TCERG1: variants seen among roughly 807,000 people sequenced by gnomAD.
TCERG1 encodes the protein TATA box binding protein (TBP)-associated factor, RNA polymerase II, S, 150kD.
Under a neutral mutation model 144.7 loss-of-function variants are expected in TCERG1, and 37 were observed. The ratio of observed to expected loss-of-function variants is 0.26; its 90% CI spans 0.20 to 0.34. The LOEUF (loss-of-function observed/expected upper bound fraction) is 0.34, where lower values mean the gene tolerates loss of function less well. Ranked by LOEUF, TCERG1 falls within the 10% of genes least tolerant of loss-of-function variation. The probability of loss-of-function intolerance (pLI) is 1.00; values close to 1 mark genes in which losing one functional copy is unlikely to be tolerated. For missense variants in TCERG1, 1,027 were observed against 1,380.7 expected (o/e 0.74, Z 4.06); for synonymous variants, 492 against 458.2 (o/e 1.07, Z -0.94).
intron 6 of TCERG1, 33 bp downstream of exon 6, chr5:146,468,436 C>T: frequency 6.3e-7 from 1 of 1,598,546 alleles, no homozygotes; most frequent in Non-Finnish European, 8.5e-7. Flanking sequence ...TTTGTTTTGT[C>T]TGTAAGTTGG....
rs562958495 is a variant in TCERG1 at position 146,457,085 on chromosome 5, C to A, written c.286-98C>A. The A allele has an allele frequency of 2.0e-6, 3 of 1,469,738 alleles. No individual in the cohort carries two copies. In the East Asian group the frequency reaches 6.9e-5, roughly 34 times the overall value. 91.0% of individuals were successfully genotyped at this position (1,469,738 alleles called of 1,614,324 possible). Reference sequence around the variant, plus strand: ...GAATGTGTTTGAATAGACTATAAAACTAGTTTCTCTTACAGTGTTTTACTT... The same window carrying A: ...GAATGTGTTTGAATAGACTATAAAAATAGTTTCTCTTACAGTGTTTTACTT... On this transcript the variant is annotated intron_variant, in intron 2 of 22. Coordinates refer to ENST00000679501, the MANE Select transcript of TCERG1 (RefSeq NM_001382548.1).
intron 15 of TCERG1, among the ~76,000 whole-genome samples, chr5:146,486,557 A>G (rs540838243): frequency 3.4e-4 from 52 of 152,356 alleles, no homozygotes; most frequent in African/African-American, 1.2e-3. Flanking sequence ...TTCAAAATAA[A>G]CATTTTAAAA....
chr5:146,502,420 G>T (rs76273848), intron 17 of TCERG1, among the ~76,000 whole-genome samples: 2,164 of 152,204 alleles, frequency 0.014, 24 homozygotes, highest in Non-Finnish European at 0.021. Context: ...TCTATGGTAG[G>T]AGTACAAAGT....
Position 146,507,177 on chromosome 5 carries a change from C to T in TCERG1, c.2931C>T (p.His977=). ...IEALTKKKRE[H]FRQLLDETSA... is the part of the protein sequence containing the mutation. ...CACTTACCAAAAAAAAGAGAGAGCA[C>T]TTTAGGCAACTTCTGGATGAAACTT... The change falls in exon 20 of 23, where the codon CAC becomes CAT. Residue 977 remains histidine, a synonymous_variant. Coordinates refer to ENST00000679501, the MANE Select transcript of TCERG1 (RefSeq NM_001382548.1). This position sits in a 1 kb window ranked among gnomAD's most constrained non-coding sequence, Gnocchi z 4.6. 5 of 1,602,818 alleles carry T rather than the reference C, an allele frequency of 3.1e-6. No homozygotes were observed. The highest frequency in any genetic ancestry group is 4.2e-6 in the Non-Finnish European group (5 of 1,177,000).
intron 9 of TCERG1, among the ~76,000 whole-genome samples, chr5:146,476,794 A>AT (rs930592248): frequency 4.6e-5 from 7 of 151,862 alleles, no homozygotes; most frequent in African/African-American, 1.2e-4. Flanking sequence ...TTTTTATTTT[A>AT]TTTTTTTGTG....
chr5:146,490,733 G>A (rs1415537429), intron 15 of TCERG1, among the ~76,000 whole-genome samples: 1 of 152,060 alleles, frequency 6.6e-6, no homozygotes, highest in Non-Finnish European at 1.5e-5. Flanking sequence ...TAAAAAATTT[G>A]TTTCCAGTTT....
Position 146,498,697 on chromosome 5 carries a change from T to G in TCERG1, c.2433+11T>G. Reference sequence around the variant, plus strand: ...ACCAGAGGTGAGAAGGTAAGATGGTTTTAGTTCCAGTGGTGTGATTGATGG... The same window carrying G: ...ACCAGAGGTGAGAAGGTAAGATGGTGTTAGTTCCAGTGGTGTGATTGATGG... On this transcript the variant is annotated intron_variant, in intron 17 of 22. Transcript: ENST00000679501. 6.2e-7 allele frequency: 1 copy of G among 1,604,532 alleles called. No homozygotes were observed. Among genetic ancestry groups the G allele is most frequent in the South Asian group, 1.1e-5 (1 of 89,328 alleles).
In TCERG1 at chr5:146,511,924, C is replaced by T. The variant is rs981580599; in HGVS notation, c.*1282C>T. ...TTATTTTATGCCTTCATAGGTTGCTCGTTTCAGAGTGCCACATAAATAAAA... is the reference window on the plus strand; with the variant it reads ...TTATTTTATGCCTTCATAGGTTGCTTGTTTCAGAGTGCCACATAAATAAAA... On this transcript the variant is annotated 3_prime_UTR_variant, in exon 23 of 23. Coordinates refer to ENST00000679501, the MANE Select transcript of TCERG1 (RefSeq NM_001382548.1). The T allele has an allele frequency of 1.4e-4, 21 of 151,994 alleles. No individual in the cohort carries two copies. Among genetic ancestry groups the T allele is most frequent in the African/African-American group, 4.8e-4 (20 of 41,398 alleles). The allele number at this position is 151,994 out of a possible 1,614,324, so 9.4% of individuals were successfully genotyped here. A position where few individuals can be genotyped will look rare whatever the true frequency, so the allele number is the denominator to read the frequency against.
chr5:146,458,994 T>TCAGGCTCAGGCCCAGGCG lies in TCERG1; in HGVS notation c.585_602dup (p.Ala237_Gln242dup). 1.3e-4 allele frequency: 209 copies of TCAGGCTCAGGCCCAGGCG among 1,613,592 alleles called. No homozygotes were observed. Among genetic ancestry groups the TCAGGCTCAGGCCCAGGCG allele is most frequent in the Middle Eastern group, 5.0e-4 (3 of 6,060 alleles). On this transcript the variant is annotated inframe_insertion, in exon 4 of 23. Coordinates refer to ENST00000679501, the MANE Select transcript of TCERG1 (RefSeq NM_001382548.1). ...CTATGCTTGCAGCCCAGGCACAGGT[T>TCAGGCTCAGGCCCAGGCG]CAGGCTCAGGCCCAGGCGCAGGCTC...
chr5:146,465,744 A>C (rs1016608486), intron 5 of TCERG1, among the ~76,000 whole-genome samples: 1 of 152,188 alleles, frequency 6.6e-6, no homozygotes, highest in Admixed American at 6.5e-5. Flanking sequence ...ACAAAGTGAT[A>C]TATTAGGCTG....
At chr5:146,492,757 T>A (rs1331436799) in intron 15 of TCERG1, 163 bp from the exon 16 acceptor site, 3 of 489,572 alleles carry the variant, frequency 6.1e-6, no homozygotes, top group Non-Finnish European at 7.2e-6. Context: ...AATATCTCAG[T>A]GAAGCTTTAA....
Position 146,507,251 on chromosome 5 carries a change from G to A in TCERG1, c.2961+44G>A, listed in dbSNP as rs767218228. On this transcript the variant is annotated intron_variant, in intron 20 of 22. Coordinates refer to ENST00000679501, the MANE Select transcript of TCERG1 (RefSeq NM_001382548.1). This position sits in a 1 kb window ranked among gnomAD's most constrained non-coding sequence, Gnocchi z 4.6. ...TCTCATTTTAATCTGGATGAATCTT[G>A]TTAGTAATTTCTTAAAGCAAAGCAT... 14 of 1,494,816 alleles carry A rather than the reference G, an allele frequency of 9.4e-6. No individual in the cohort carries two copies. Among genetic ancestry groups the A allele is most frequent in the Non-Finnish European group, 1.1e-5 (12 of 1,120,660 alleles). The allele number at this position is 1,494,816 out of a possible 1,614,324, so 92.6% of individuals were successfully genotyped here. A position where few individuals can be genotyped will look rare whatever the true frequency, so the allele number is the denominator to read the frequency against.
intron 9 of TCERG1, among the ~76,000 whole-genome samples, chr5:146,475,380 C>T (rs968656050): frequency 6.6e-6 from 1 of 151,098 alleles, no homozygotes; most frequent in African/African-American, 2.4e-5. Context: ...TAATTTTGCC[C>T]CTAGTGGACG....
chr5:146,460,692 T>A (rs1763262285), intron 4 of TCERG1, among the ~76,000 whole-genome samples: 1 of 152,176 alleles, frequency 6.6e-6, no homozygotes, highest in Non-Finnish European at 1.5e-5. Context: ...AAGGTACATA[T>A]AATATGGGGA....
chr5:146,503,720 G>T, intron 18 of TCERG1, 104 bp from the exon 19 acceptor site: 1 of 1,425,112 alleles, frequency 7.0e-7, no homozygotes, highest in Non-Finnish European at 9.4e-7. Flanking sequence ...TATATTCTGG[G>T]CAAAAACTAG....
intron 10 of TCERG1, among the ~76,000 whole-genome samples, chr5:146,478,917 G>A (rs12173013): frequency 0.063 from 9,633 of 152,092 alleles, 425 homozygotes; most frequent in Non-Finnish European, 0.085. Flanking sequence ...GATATGGTTG[G>A]TAGTGTTGCT....
chr5:146,471,774 T>G (rs1247113034), intron 9 of TCERG1, among the ~76,000 whole-genome samples, 198 bp downstream of exon 9: 1 of 152,092 alleles, frequency 6.6e-6, no homozygotes, highest in Non-Finnish European at 1.5e-5. Flanking sequence ...GATTTTTGTA[T>G]TTTTAGTAGA....
chr5:146,472,079 C>G (rs565505201), intron 9 of TCERG1, among the ~76,000 whole-genome samples: 1 of 152,292 alleles, frequency 6.6e-6, no homozygotes, highest in East Asian at 1.9e-4. Context: ...GTACTACTCT[C>G]CATTAATGTG....
rs558354335 is a variant in TCERG1, at chr5:146,477,090, G to A, written c.1602-1403G>A. ...CAGCTGATCCATCTTCTAATTCACT[G>A]ATTGTTTCCTGGCGTCTCCATTCTG... On this transcript the variant is annotated intron_variant, in intron 9 of 22. Transcript: ENST00000679501. Among the ~76,000 whole-genome samples, 199 of 152,212 alleles carry A rather than the reference G, an allele frequency of 1.3e-3. 1 individual carries two copies. Among genetic ancestry groups the A allele is most frequent in the African/African-American group, 4.5e-3 (185 of 41,536 alleles).
Sources: gnomAD v4.1 joint callset for allele counts (sites outside exome capture counted in the v4.1 genomes callset) on GRCh38, gnomAD v4.1.1 for gene constraint, Gnocchi (gnomAD v3.1) non-coding constraint, MANE v1.5 for transcripts, NCBI Gene and HGNC (gene_info 2026-07-23, HGNC 2026-07-21) for gene names.